MASP1: variants seen among roughly 807,000 people sequenced by gnomAD.
MASP1 encodes the protein mannan-binding lectin serine protease 1.
MASP1 carries 59 observed loss-of-function variants against 77.1 expected under a neutral mutation model. That is an observed-to-expected ratio of 0.77 (90% confidence interval 0.62 to 0.95). The LOEUF (loss-of-function observed/expected upper bound fraction) is 0.95, where lower values mean the gene tolerates loss of function less well. Among genes scored for constraint, MASP1 ranks in the 40% least tolerant of loss-of-function variants. The pLI is 0.00. For missense variants in MASP1, 885 were observed against 912.9 expected (o/e 0.97, Z 0.39); for synonymous variants, 362 against 354.5 (o/e 1.02, Z -0.24).
intron 8 of MASP1, chr3:187,247,205 C>A: frequency 6.4e-7 from 1 of 1,574,474 alleles, no homozygotes; most frequent in South Asian, 1.1e-5. Flanking sequence ...TTGTTCAGCA[C>A]CCATTCTAAT....
intron 3 of MASP1, 44 bp downstream of exon 3, chr3:187,262,497 GGA>G (rs141348175): frequency 3.1e-3 from 4,291 of 1,362,294 alleles, no homozygotes; most frequent in Non-Finnish European, 3.8e-3. Context: ...TTTCATCTTC[GGA>G]GAGAGAGAGA....
In MASP1 at chr3:187,235,086, C is replaced by A. The variant is rs141970964; in HGVS notation, c.*598G>T. Reference sequence around the variant, plus strand: ...GGGATAAGGCTTAGACTGCAAGAAGCTTTTGGGAGAGAAACCCCAGGCATG... The same window carrying A: ...GGGATAAGGCTTAGACTGCAAGAAGATTTTGGGAGAGAAACCCCAGGCATG... On this transcript the variant is annotated 3_prime_UTR_variant, in exon 11 of 11. Transcript: ENST00000296280. 4.9e-5 allele frequency: 63 copies of A among 1,287,278 alleles called. No homozygotes were observed. The African/African-American group carries it at 9.1e-4, about 19-fold the overall frequency. The allele number at this position is 1,287,278 out of a possible 1,614,324, so 79.7% of individuals were successfully genotyped here. A position where few individuals can be genotyped will look rare whatever the true frequency, so the allele number is the denominator to read the frequency against.
chr3:187,286,076 G>A lies in MASP1; in HGVS notation c.6-20C>T. 2 of 1,585,222 alleles carry A rather than the reference G, an allele frequency of 1.3e-6. No homozygotes were observed. The highest frequency in any genetic ancestry group is 1.7e-6 in the Non-Finnish European group (2 of 1,154,034). ...AGCCACCTGAAAGACATGAATGTAG[G>A]TCTACTTACATTTATAAACACAGGC... On this transcript the variant is annotated intron_variant, in intron 1 of 10. Coordinates refer to ENST00000296280, the MANE Select transcript of MASP1 (RefSeq NM_139125.4).
At chr3:187,264,565 T>C (rs7636663) in intron 2 of MASP1, among the ~76,000 whole-genome samples, 1,617 of 152,322 alleles carry the variant, frequency 0.011, 32 homozygotes, top group African/African-American at 0.038. Flanking sequence ...TTGTTATGAA[T>C]GTCAACCATT....
At chr3:187,261,043 T>C (rs1015283019) in intron 3 of MASP1, among the ~76,000 whole-genome samples, 171 bp from the exon 4 acceptor site, 1 of 152,130 alleles carries the variant, frequency 6.6e-6, no homozygotes, top group African/African-American at 2.4e-5. Context: ...CTTTACAGAC[T>C]AGGAAACTGG....
chr3:187,250,098 CT>C (rs1241799847), intron 8 of MASP1, among the ~76,000 whole-genome samples, 152 bp downstream of exon 8: 2 of 152,182 alleles, frequency 1.3e-5, no homozygotes, highest in Admixed American at 1.3e-4. Context: ...CACTGATACT[CT>C]TTTTTTTCCC....
intron 14 of MASP1, among the ~76,000 whole-genome samples, chr3:187,222,753 G>A (rs1380726043): frequency 6.6e-6 from 1 of 151,618 alleles, no homozygotes; most frequent in African/African-American, 2.4e-5. Flanking sequence ...TTACTGCAAG[G>A]ACTGTGGTTC....
chr3:187,243,954 T>G (rs1713870337), intron 8 of MASP1: 1 of 366,410 alleles, frequency 2.7e-6, no homozygotes, highest in Non-Finnish European at 5.2e-6. Context: ...TTACTTCTAG[T>G]TTTATTGTGC....
intron 10 of MASP1, among the ~76,000 whole-genome samples, chr3:187,240,578 C>T (rs1301550381): frequency 6.6e-6 from 1 of 152,116 alleles, no homozygotes; most frequent in African/African-American, 2.4e-5. Context: ...CTACACTTTT[C>T]TAAGTTGACT....
chr3:187,241,477 G>A lies in MASP1; in HGVS notation c.1303+4C>T. 6.2e-7 allele frequency: 1 copy of A among 1,613,054 alleles called. No homozygotes were observed. Among genetic ancestry groups the A allele is most frequent in the East Asian group, 2.2e-5 (1 of 44,866 alleles). ...TGAGGCAAAGGATTTGGAGGGTGAG[G>A]TACCTGGAAGGCAGGTGGGTAGGCT... On this transcript the variant is annotated splice_donor_region_variant and intron_variant, in intron 10 of 10. Coordinates refer to ENST00000296280, the MANE Select transcript of MASP1 (RefSeq NM_139125.4).
intron 1 of MASP1, chr3:187,291,135 G>C (rs1487793246): frequency 5.5e-6 from 1 of 182,828 alleles, no homozygotes; most frequent in African/African-American, 2.4e-5. Context: ...CTAAATTGAG[G>C]TTTAACTGGC....
At position 187,235,598 on chromosome 3, in the gene MASP1, T is replaced by C; in HGVS notation, c.*86A>G. 6.3e-7 allele frequency: 1 copy of C among 1,598,154 alleles called. No individual in the cohort carries two copies. The highest frequency in any genetic ancestry group is 8.5e-7 in the Non-Finnish European group (1 of 1,178,198). On this transcript the variant is annotated 3_prime_UTR_variant, in exon 11 of 11. Coordinates refer to ENST00000296280, the MANE Select transcript of MASP1 (RefSeq NM_139125.4). ...CTAGGTCAGTGTGTTCCATTCCATA[T>C]GGTCTGATAAGTAATGTGGAGTGTG...
At chr3:187,219,931 C>T (rs966078632) in exon 16 of MASP1, 4 of 821,500 alleles carry the variant, frequency 4.9e-6, no homozygotes, top group Non-Finnish European at 8.1e-6. Context: ...GGTGAAGATA[C>T]CTGCTCTATT....
chr3:187,226,513 G>C lies in MASP1; in HGVS notation c.1449C>G (p.Ser483Arg), dbSNP rs1443403713. Residue 483 changes from serine (S) to arginine (R), a missense_variant, in exon 12 of 16, where the codon AGC becomes AGG. By Grantham distance (110) the Ser-to-Arg change is moderately radical (BLOSUM62 -1). Transcript: ENST00000337774. The stretch of plus-strand genomic sequence containing the variant: ...GGCAGTGTGCGGCGGTCACGATCCA[G>C]CTGGAGCCTGGGGAACAGAACACAC... 2.5e-6 allele frequency: 4 copies of C among 1,607,628 alleles called. No individual in the cohort carries two copies. In the African/African-American group the frequency reaches 4.0e-5, roughly 16 times the overall value.
At chr3:187,240,732 A>G (rs1299335186) in intron 10 of MASP1, among the ~76,000 whole-genome samples, 1 of 152,156 alleles carries the variant, frequency 6.6e-6, no homozygotes, top group Non-Finnish European at 1.5e-5. Context: ...CCTGGGTTCA[A>G]GCAATTCTCC....
At chr3:187,232,153 GACT>G (rs1712802764), downstream of MASP1, among the ~76,000 whole-genome samples, 1 of 152,068 alleles carries the variant, frequency 6.6e-6, no homozygotes, top group Admixed American at 6.5e-5. Context: ...GGGTGCTGTT[GACT>G]ACTTCATCCC....
Position 187,250,280 on chromosome 3 carries a change from G to T in MASP1, c.1061C>A (p.Thr354Lys). The change falls in exon 8 of 11, where the codon ACG becomes AAG. Residue 354 changes from threonine to lysine, a missense_variant. Transcript: ENST00000296280. Reference protein sequence around the residue: ...TFQIECLKDGTWSNKIPTCKI... With the variant: ...TFQIECLKDGKWSNKIPTCKI... ...ACAGGTGGGAATCTTGTTACTCCAC[G>T]TCCCATCCTTCAGACACTCAATCTG... 6.2e-7 allele frequency: 1 copy of T among 1,613,842 alleles called. No individual in the cohort carries two copies.
At chr3:187,226,187 T>C in intron 12 of MASP1, 1 of 567,958 alleles carries the variant, frequency 1.8e-6, no homozygotes, top group East Asian at 3.1e-5. Flanking sequence ...CATTTTATCG[T>C]TGTGAAACTG....
Position 187,234,387 on chromosome 3 carries a change from G to T in MASP1, c.*1297C>A. The T allele has an allele frequency of 7.8e-7, 1 of 1,287,260 alleles. No homozygotes were observed. Among genetic ancestry groups the T allele is most frequent in the Non-Finnish European group, 1.0e-6 (1 of 988,694 alleles). 79.7% of individuals were successfully genotyped at this position (1,287,260 alleles called of 1,614,324 possible). A position where few individuals can be genotyped will look rare whatever the true frequency, so the allele number is the denominator to read the frequency against. On this transcript the variant is annotated 3_prime_UTR_variant, in exon 11 of 11. Transcript: ENST00000296280. ...GGGCCAGAGAGGCTGCTAGCAGTCA[G>T]GGAAGCTCTGAGTGCTCCAGCTAGA...
Sources: gnomAD v4.1 joint callset for allele counts (sites outside exome capture counted in the v4.1 genomes callset) on GRCh38, gnomAD v4.1.1 for gene constraint, MANE v1.5 for transcripts, NCBI Gene and HGNC (gene_info 2026-07-23, HGNC 2026-07-21) for gene names.